The following NRXN1 variants were observed in gnomAD, a reference collection of about 807,000 sequenced individuals.
The protein encoded by NRXN1 is neurexin 1.
A neutral mutation model predicts 150.9 loss-of-function variants in NRXN1; 39 were observed. The ratio of observed to expected loss-of-function variants is 0.26; its 90% CI spans 0.20 to 0.34. The LOEUF (loss-of-function observed/expected upper bound fraction) is 0.34, where lower values mean the gene tolerates loss of function less well. Among genes scored for constraint, NRXN1 ranks in the 10% least tolerant of loss-of-function variants. The pLI is 1.00. For missense variants in NRXN1, 1,815 were observed against 1,949.9 expected (o/e 0.93, Z 1.30); for synonymous variants, 924 against 757.0 (o/e 1.22, Z -3.62).
At chr2:50,802,070 A>G (rs1349241194) in intron 5 of NRXN1, among the ~76,000 whole-genome samples, 2 of 152,186 alleles carry the variant, frequency 1.3e-5, no homozygotes, top group African/African-American at 4.8e-5. Flanking sequence ...CCAACAAAAG[A>G]AAATAATATA....
At chr2:50,163,995 C>G (rs1235909347) in intron 18 of NRXN1, among the ~76,000 whole-genome samples, 1 of 152,108 alleles carries the variant, frequency 6.6e-6, no homozygotes, top group East Asian at 1.9e-4. Context: ...TATGGTTTTC[C>G]CTTCCCTTTG....
chr2:50,939,867 T>C (rs950527555), intron 2 of NRXN1, among the ~76,000 whole-genome samples: 6 of 152,208 alleles, frequency 3.9e-5, no homozygotes, highest in Admixed American at 6.5e-5. Flanking sequence ...TTCATCCATA[T>C]AGTAGTTAAC....
At chr2:50,201,315 C>A (rs1160505125) in intron 18 of NRXN1, among the ~76,000 whole-genome samples, 1 of 152,066 alleles carries the variant, frequency 6.6e-6, no homozygotes, top group Non-Finnish European at 1.5e-5. Flanking sequence ...ACACTAAGAC[C>A]TTACCTCAAA....
chr2:50,645,313 A>C (rs1684666354), intron 5 of NRXN1, among the ~76,000 whole-genome samples: 1 of 151,942 alleles, frequency 6.6e-6, no homozygotes, highest in South Asian at 2.1e-4. Flanking sequence ...TATAAGCTAC[A>C]TTAAAAGTTT....
At chr2:50,020,925 A>T (rs1687472177) in intron 21 of NRXN1, among the ~76,000 whole-genome samples, 1 of 152,208 alleles carries the variant, frequency 6.6e-6, no homozygotes, top group African/African-American at 2.4e-5. Context: ...TAGAAAAAGA[A>T]ACATGCATTC....
At chr2:50,759,187 T>C (rs1479284729) in intron 5 of NRXN1, among the ~76,000 whole-genome samples, 1 of 151,964 alleles carries the variant, frequency 6.6e-6, no homozygotes, top group Non-Finnish European at 1.5e-5. Context: ...AATTGCATAA[T>C]GCCAATGTAT....
At chr2:50,542,118 C>G (rs572613238) in intron 9 of NRXN1, among the ~76,000 whole-genome samples, 27 of 152,188 alleles carry the variant, frequency 1.8e-4, no homozygotes, top group Non-Finnish European at 3.5e-4. Flanking sequence ...CCCATCTCTA[C>G]TAAAAATACA....
At chr2:50,785,495 G>A (rs971077121) in intron 5 of NRXN1, among the ~76,000 whole-genome samples, 1 of 152,000 alleles carries the variant, frequency 6.6e-6, no homozygotes, top group Non-Finnish European at 1.5e-5. Flanking sequence ...TGGTCCGCCC[G>A]CCTTGGCCTC....
At chr2:51,002,760 G>A (rs1176115109) in intron 2 of NRXN1, among the ~76,000 whole-genome samples, 4 of 151,838 alleles carry the variant, frequency 2.6e-5, no homozygotes, top group Admixed American at 6.6e-5. Context: ...ATGGAATGAC[G>A]GAAATTATAT....
rs2092874137 is a variant in NRXN1, at chr2:50,524,060, G to C, written c.2374+4565C>G. ...TAAGAAGAGTGAATCTTAATAGAAAGAAAGGAAGTGCAGGTAGGTGGGAGA... is the reference window on the plus strand; with the variant it reads ...TAAGAAGAGTGAATCTTAATAGAAACAAAGGAAGTGCAGGTAGGTGGGAGA... On this transcript the variant is annotated intron_variant, in intron 12 of 22. Coordinates refer to ENST00000401669, the MANE Select transcript of NRXN1 (RefSeq NM_001330078.2). 3.3e-5 allele frequency among the ~76,000 whole-genome samples: 5 copies of C among 152,164 alleles called. No homozygotes were observed. The South Asian group carries it at 1.0e-3, about 31-fold the overall frequency.
At chr2:50,945,238 G>T (rs1044782741) in intron 2 of NRXN1, among the ~76,000 whole-genome samples, 1 of 152,148 alleles carries the variant, frequency 6.6e-6, no homozygotes, top group African/African-American at 2.4e-5. Flanking sequence ...AATTTGGGAG[G>T]CCAAGGCAGG....
intron 18 of NRXN1, among the ~76,000 whole-genome samples, chr2:50,140,658 T>G (rs1466624442): frequency 6.8e-6 from 1 of 148,118 alleles, no homozygotes; most frequent in African/African-American, 2.5e-5. Context: ...ATTCTGAGCT[T>G]TTTTCTCTCT....
At chr2:50,079,492 GCT>G (rs1697610576) in intron 19 of NRXN1, among the ~76,000 whole-genome samples, 1 of 151,822 alleles carries the variant, frequency 6.6e-6, no homozygotes. Context: ...CTTGATCTTT[GCT>G]CTAGGCGAAT....
intron 18 of NRXN1, among the ~76,000 whole-genome samples, chr2:50,107,605 A>T (rs201003104): frequency 6.8e-6 from 1 of 147,764 alleles, no homozygotes; most frequent in Non-Finnish European, 1.5e-5. Context: ...AGAAAAAAAA[A>T]CTACCCAGCT....
intron 5 of NRXN1, among the ~76,000 whole-genome samples, chr2:50,683,646 A>AAAAAAAATATATAT: frequency 2.7e-4 from 4 of 14,902 alleles, no homozygotes; most frequent in African/African-American, 3.6e-4. Flanking sequence ...AAAAAAAAAA[A>AAAAAAAATATATAT]ATATATATAT....
At chr2:50,364,234 T>C (rs921464747) in intron 17 of NRXN1, among the ~76,000 whole-genome samples, 1 of 152,192 alleles carries the variant, frequency 6.6e-6, no homozygotes, top group African/African-American at 2.4e-5. Flanking sequence ...GAACTTAAAG[T>C]ATAATTTTAA....
intron 21 of NRXN1, among the ~76,000 whole-genome samples, chr2:50,001,936 C>T (rs1421581): frequency 6.6e-6 from 1 of 151,992 alleles, no homozygotes; most frequent in African/African-American, 2.4e-5. Context: ...TCCTGCTGGC[C>T]TTCAAGAAGC....
chr2:50,419,900 A>C (rs943946625), intron 17 of NRXN1, among the ~76,000 whole-genome samples: 2 of 152,104 alleles, frequency 1.3e-5, no homozygotes, highest in East Asian at 3.9e-4. Context: ...ATAATCCTCC[A>C]CTGTATCCCA....
At position 50,346,924 on chromosome 2, in the gene NRXN1, C is replaced by T; in HGVS notation, c.3365-109954G>A. On this transcript the variant is annotated intron_variant, in intron 17 of 22. Transcript: ENST00000401669. The surrounding 1 kb of genome is among the most constrained non-coding windows in gnomAD (Gnocchi z 5.0). ...GCCCCCGGGCGAGCCCAGCTCGGCG[C>T]CGCACCGGAGCATCCTCTGGTACAT... The T allele has an allele frequency of 1.5e-6, 2 of 1,311,738 alleles. No homozygotes were observed. Among genetic ancestry groups the T allele is most frequent in the Non-Finnish European group, 1.9e-6 (2 of 1,030,092 alleles). 81.3% of individuals were successfully genotyped at this position (1,311,738 alleles called of 1,614,324 possible). A position where few individuals can be genotyped will look rare whatever the true frequency, so the allele number is the denominator to read the frequency against.
Sources: allele counts gnomAD v4.1 joint callset (sites outside exome capture counted in the v4.1 genomes callset), GRCh38; gene constraint gnomAD v4.1.1; non-coding constraint Gnocchi (gnomAD v3.1); transcripts MANE v1.5; gene names NCBI Gene and HGNC (gene_info 2026-07-23, HGNC 2026-07-21).